ERCC6: variants seen among roughly 807,000 people sequenced by gnomAD.
ERCC6 encodes DNA excision repair protein ERCC-6.
In ERCC6, 116 loss-of-function variants were observed where a neutral mutation model predicts 158.7. That is an observed-to-expected ratio of 0.73 (90% confidence interval 0.63 to 0.85). The LOEUF (loss-of-function observed/expected upper bound fraction) is 0.85, where lower values mean the gene tolerates loss of function less well. Ranked by LOEUF, ERCC6 falls within the 40% of genes least tolerant of loss-of-function variation. The pLI is 0.00. For synonymous variants in ERCC6, 678 were observed against 659.3 expected, an observed-to-expected ratio of 1.03 and a Z score of -0.43; for missense variants, 1,698 against 1,799.4, an observed-to-expected ratio of 0.94 and a Z score of 1.02.
chr10:49,453,830 T>G (rs1284345892), downstream of ERCC6, among the ~76,000 whole-genome samples: 2 of 152,188 alleles, frequency 1.3e-5, no homozygotes, highest in African/African-American at 2.4e-5. Flanking sequence ...ATTATTTCTT[T>G]TGAGAAGTCA....
Position 49,532,707 on chromosome 10 carries a change from G to A in ERCC6, c.258C>T (p.Ser86=), listed in dbSNP as rs114369077. ...AACCCTGCAGCTCAAGGGCCTGGGC[G>A]CTAGGCTCTACTGCCTGGATCTGAT... ...DRHQIQAVEP[S]AQALELQGLG... Residue 86 remains serine, a synonymous_variant, in exon 2 of 21, where the codon AGC becomes AGT. Transcript: ENST00000355832. 56 of 1,614,202 alleles carry A rather than the reference G, an allele frequency of 3.5e-5. No homozygotes were observed. The East Asian group carries it at 6.9e-4, about 20-fold the overall frequency.
chr10:49,527,322 C>T (rs1209681649), intron 4 of ERCC6, among the ~76,000 whole-genome samples: 1 of 152,186 alleles, frequency 6.6e-6, no homozygotes, highest in East Asian at 1.9e-4. Flanking sequence ...ACATAGTACA[C>T]AGCAGTTAAA....
chr10:49,527,177 C>A (rs1267862062), intron 4 of ERCC6, among the ~76,000 whole-genome samples: 1 of 152,114 alleles, frequency 6.6e-6, no homozygotes, highest in Non-Finnish European at 1.5e-5. Context: ...TAGCTATTAA[C>A]CCTACTACCA....
At chr10:49,472,325 G>A (rs1850794584) in intron 16 of ERCC6, 51 bp downstream of exon 16, 1 of 1,511,502 alleles carries the variant, frequency 6.6e-7, no homozygotes, top group Non-Finnish European at 9.2e-7. Flanking sequence ...AAAATTCCCT[G>A]CTCAAGACTC....
At chr10:49,509,626 C>T (rs990921657) in intron 5 of ERCC6, among the ~76,000 whole-genome samples, 1 of 152,006 alleles carries the variant, frequency 6.6e-6, no homozygotes, top group Non-Finnish European at 1.5e-5. Context: ...ATGATAGTAA[C>T]AAAAATAGAT....
intron 8 of ERCC6, among the ~76,000 whole-genome samples, chr10:49,492,186 C>A (rs977429951): frequency 6.6e-6 from 1 of 152,140 alleles, no homozygotes; most frequent in Non-Finnish European, 1.5e-5. Context: ...TTTCCATGAA[C>A]ACAAACACAA....
At chr10:49,482,665 T>A (rs760574167) in intron 10 of ERCC6, 22 bp downstream of exon 10, 2 of 1,610,150 alleles carry the variant, frequency 1.2e-6, no homozygotes, top group African/African-American at 2.7e-5. Context: ...ATGCCAAAAG[T>A]ATTATCATCC....
At position 49,524,724 on chromosome 10, in the gene ERCC6, A is replaced by T; in HGVS notation, c.706T>A (p.Trp236Arg). 1 of 1,607,088 alleles carries T rather than the reference A, an allele frequency of 6.2e-7. No individual in the cohort carries two copies. Among genetic ancestry groups the T allele is most frequent in the South Asian group, 1.1e-5 (1 of 91,086 alleles). The change falls in exon 5 of 21, where the codon TGG becomes AGG. Residue 236 changes from tryptophan (W) to arginine (R), a missense_variant. By Grantham distance (101) the Trp-to-Arg change is moderately radical. Transcript: ENST00000355832. ...TGGCCAGTGCGGATGAGCTCTTCCC[A>T]GGCAGTCTCCTGGACAGGCATGAGC... ...SMLMPVQETA[W>R]EELIRTGQMT...
At chr10:49,492,984 ATAAAT>A in intron 8 of ERCC6, 128 bp downstream of exon 8, 3 of 901,688 alleles carry the variant, frequency 3.3e-6, no homozygotes, top group Non-Finnish European at 3.4e-6. Context: ...GTCAATAATA[ATAAAT>A]TAACTTTAAA....
At chr10:49,453,820 ATTAT>A (rs1850447897), downstream of ERCC6, among the ~76,000 whole-genome samples, 2 of 151,934 alleles carry the variant, frequency 1.3e-5, no homozygotes, top group Admixed American at 6.5e-5. Context: ...TCTGGCCTCC[ATTAT>A]TTCTTTTGAG....
the ERCC6 span, among the ~76,000 whole-genome samples, chr10:49,435,465 G>A: frequency 2.6e-5 from 4 of 152,058 alleles, no homozygotes; most frequent in Non-Finnish European, 5.9e-5. Context: ...CCAATCCCAC[G>A]CAGAGCACAG....
At chr10:49,503,889 T>C (rs190918638) in intron 6 of ERCC6, 72 of 152,318 alleles carry the variant, frequency 4.7e-4, no homozygotes, top group African/African-American at 1.3e-3. Flanking sequence ...ACATTGGCAT[T>C]GCCACACTAA....
rs1451119499 is a variant in ERCC6, at chr10:49,500,692, G to T, written c.1531C>A (p.Gln511Lys). 1 of 1,613,424 alleles carries T rather than the reference G, an allele frequency of 6.2e-7. No individual in the cohort carries two copies. Among genetic ancestry groups the T allele is most frequent in the African/African-American group, 1.3e-5 (1 of 74,876 alleles). Residue 511 changes from glutamine to lysine, a missense_variant, in exon 7 of 21, where the codon CAG becomes AAG. Coordinates refer to ENST00000355832, the MANE Select transcript of ERCC6 (RefSeq NM_000124.4). ...GFLFKKLFKYQQTGVRWLWEL... is the reference protein window; with the variant it reads ...GFLFKKLFKYKQTGVRWLWEL... Reference sequence around the variant, plus strand: ...CACAGCCACCTAACACCTGTCTGCTGGTACCTATGACAACAAACACCAACA... The same window carrying T: ...CACAGCCACCTAACACCTGTCTGCTTGTACCTATGACAACAAACACCAACA...
At chr10:49,468,357 C>A (rs1850713181) in intron 18 of ERCC6, among the ~76,000 whole-genome samples, 1 of 152,306 alleles carries the variant, frequency 6.6e-6, no homozygotes, top group African/African-American at 2.4e-5. Context: ...TCTGGGTTCT[C>A]CCTCTTTCTG....
At chr10:49,516,244 T>C in intron 5 of ERCC6, 1 of 1,614,128 alleles carries the variant, frequency 6.2e-7, no homozygotes, top group South Asian at 1.1e-5. Context: ...CCAAACCGAA[T>C]GGGCTTTCCC....
Position 49,530,840 on chromosome 10 carries a change from C to T in ERCC6, c.423G>A (p.Thr141=). Residue 141 remains threonine (T), a splice_region_variant and synonymous_variant, in exon 3 of 21, where the codon ACG becomes ACA. Transcript: ENST00000355832. ...TTTGCCTTAGGGATGTCGTACATGA[C>T]CTGAAAAATAAGATAAATTGTCTAT... The part of the protein sequence containing the change: ...KEYRSVLDDL[T]SCTTSLRQIN... 6.2e-7 allele frequency: 1 copy of T among 1,612,988 alleles called. No individual in the cohort carries two copies. Among genetic ancestry groups the T allele is most frequent in the Non-Finnish European group, 8.5e-7 (1 of 1,179,598 alleles).
In ERCC6 at chr10:49,532,763, T is replaced by G. The variant is rs766264775; in HGVS notation, c.202A>C (p.Arg68=). ...TCGATGTGCAGCAGGGCTGGCCCTC[T>G]CCTCGGAGCTGCTGATGCGCACCCC... ...AVGCASAAPR[R]GPALLHIDRH... The change falls in exon 2 of 21, where the codon AGA becomes CGA. Residue 68 remains arginine, a synonymous_variant. Transcript: ENST00000355832. 1.2e-5 allele frequency: 20 copies of G among 1,614,202 alleles called. No homozygotes were observed. Among genetic ancestry groups the G allele is most frequent in the Non-Finnish European group, 1.7e-5 (20 of 1,180,038 alleles).
Position 49,470,787 on chromosome 10 carries a change from G to A in ERCC6, c.3173C>T (p.Ala1058Val). Residue 1058 changes from alanine (A) to valine (V), a missense_variant, in exon 18 of 21, where the codon GCT (alanine) becomes GTT (valine). Transcript: ENST00000355832. The stretch of plus-strand genomic sequence containing the variant: ...GGCATCATTTACAGATATGTTAGAA[G>A]CAGGGAACTTCTTGCGTTTTGGAAC... Reference protein sequence around the residue: ...HDVPKRKKFPASNISVNDATS... With the variant: ...HDVPKRKKFPVSNISVNDATS... 6.2e-7 allele frequency: 1 copy of A among 1,614,148 alleles called. No homozygotes were observed.
chr10:49,539,100 C>A lies in ERCC6; in HGVS notation c.-153G>T, dbSNP rs1837678695. On this transcript the variant is annotated 5_prime_UTR_variant, in exon 1 of 21. Transcript: ENST00000355832. ...CCCCCAACAGCGACTCCGACTTCTGCTGGTGCGGGGAGGCCCGTGGCGCAT... is the reference window on the plus strand; with the variant it reads ...CCCCCAACAGCGACTCCGACTTCTGATGGTGCGGGGAGGCCCGTGGCGCAT... The A allele has an allele frequency of 1.3e-5, 2 of 152,348 alleles. No individual in the cohort carries two copies. Among genetic ancestry groups the A allele is most frequent in the Admixed American group, 1.3e-4 (2 of 15,290 alleles). 9.4% of individuals were successfully genotyped at this position (152,348 alleles called of 1,614,324 possible). A position where few individuals can be genotyped will look rare whatever the true frequency, so the allele number is the denominator to read the frequency against.
Sources: allele counts gnomAD v4.1 joint callset (sites outside exome capture counted in the v4.1 genomes callset), GRCh38; gene constraint gnomAD v4.1.1; transcripts MANE v1.5; gene names NCBI Gene and HGNC (gene_info 2026-07-23, HGNC 2026-07-21).